SLX9: variants seen among roughly 807,000 people sequenced by gnomAD.
SLX9 encodes the protein ribosome biogenesis protein SLX9 homolog.
Under a neutral mutation model 20.8 loss-of-function variants are expected in SLX9, and 19 were observed. The observed-to-expected ratio is 0.91, with a 90% confidence interval of 0.64 to 1.34. The LOEUF is 1.34. SLX9 is among the 40% of genes most tolerant of loss of function. SLX9 has a pLI of 0.00. For missense variants in SLX9, 299 were observed against 322.2 expected (o/e 0.93, Z 0.55); for synonymous variants, 113 against 137.1 (o/e 0.82, Z 1.23).
intron 2 of SLX9, among the ~76,000 whole-genome samples, chr21:44,946,209 A>G (rs960151587): frequency 1.8e-4 from 28 of 152,192 alleles, no homozygotes; most frequent in Non-Finnish European, 3.5e-4. Context: ...AAAAAATTTG[A>G]AGATTCTATT....
intron 2 of SLX9, among the ~76,000 whole-genome samples, chr21:44,957,769 A>G (rs1601399119): frequency 6.6e-6 from 1 of 152,030 alleles, no homozygotes; most frequent in African/African-American, 2.4e-5. Flanking sequence ...GGGTATGAGC[A>G]CCTCGTCTAG....
chr21:44,950,303 C>G (rs1252996007), intron 2 of SLX9, among the ~76,000 whole-genome samples: 2 of 151,940 alleles, frequency 1.3e-5, no homozygotes, highest in Non-Finnish European at 2.9e-5. Flanking sequence ...TGACAGGAAA[C>G]CATGCAGAAT....
chr21:44,955,694 C>G (rs906815806), intron 2 of SLX9, among the ~76,000 whole-genome samples: 3 of 152,202 alleles, frequency 2.0e-5, no homozygotes, highest in African/African-American at 7.2e-5. Flanking sequence ...CCCCTCTTTT[C>G]TTTACAAGTG....
chr21:44,957,586 C>T (rs773622163), intron 2 of SLX9, among the ~76,000 whole-genome samples: 7 of 152,230 alleles, frequency 4.6e-5, no homozygotes, highest in Non-Finnish European at 8.8e-5. Flanking sequence ...CCACCTCATG[C>T]CCTGCGGCCT....
At chr21:44,948,438 G>C (rs2084690978) in intron 2 of SLX9, among the ~76,000 whole-genome samples, 2 of 152,220 alleles carry the variant, frequency 1.3e-5, no homozygotes, top group Admixed American at 1.3e-4. Flanking sequence ...TGGGGAGCTG[G>C]TCATGGAGCA....
At chr21:44,954,443 G>A (rs2084816921) in intron 2 of SLX9, among the ~76,000 whole-genome samples, 1 of 152,204 alleles carries the variant, frequency 6.6e-6, no homozygotes, top group Non-Finnish European at 1.5e-5. Flanking sequence ...TTGGCTGGAG[G>A]GTGGGGGCTG....
intron 4 of SLX9, chr21:44,969,334 A>G (rs1441142058): frequency 7.1e-6 from 3 of 419,660 alleles, no homozygotes; most frequent in Non-Finnish European, 1.5e-5. Flanking sequence ...GACCCTGGTC[A>G]AGTATCCTTT....
chr21:44,976,537 G>A (rs549404452), intron 5 of SLX9, 143 bp from the exon 6 acceptor site: 14 of 1,314,616 alleles, frequency 1.1e-5, no homozygotes, highest in Middle Eastern at 2.7e-4. Flanking sequence ...CCCTCCTGCC[G>A]GAAGTTTCCG....
Position 44,940,093 on chromosome 21 carries a change from C to T in SLX9, c.36C>T (p.His12=), listed in dbSNP as rs2084509619. The T allele has an allele frequency of 2.8e-6, 4 of 1,451,690 alleles. 1 individual carries two copies. The allele number at this position is 1,451,690 out of a possible 1,614,324, so 89.9% of individuals were successfully genotyped here. A position where few individuals can be genotyped will look rare whatever the true frequency, so the allele number is the denominator to read the frequency against. The change falls in exon 1 of 6, where the codon CAC becomes CAT. Residue 12 remains histidine, a synonymous_variant. Coordinates refer to ENST00000291634, the MANE Select transcript of SLX9 (RefSeq NM_058190.4). ...GKVRGLRARV[H]QAAVRPKGEA... ...TGAGGGGGTTGCGCGCCCGAGTGCACCAGGCTGCCGTGAGGCCGAAAGGGG... is the reference window on the plus strand; with the variant it reads ...TGAGGGGGTTGCGCGCCCGAGTGCATCAGGCTGCCGTGAGGCCGAAAGGGG...
intron 1 of SLX9, 129 bp from the exon 2 acceptor site, chr21:44,943,555 C>G (rs1601368720): frequency 2.1e-5 from 28 of 1,305,568 alleles, no homozygotes; most frequent in Non-Finnish European, 2.8e-5. Flanking sequence ...CCCCCAGGTC[C>G]TCCCGGGCAG....
At chr21:44,969,869 C>A (rs118066330) in intron 4 of SLX9, among the ~76,000 whole-genome samples, 2 of 152,216 alleles carry the variant, frequency 1.3e-5, no homozygotes, top group African/African-American at 4.8e-5. Context: ...TCCCTCGGCC[C>A]GTCTTGGCTG....
At chr21:44,974,860 C>T (rs1315951594) in intron 5 of SLX9, among the ~76,000 whole-genome samples, 1 of 152,270 alleles carries the variant, frequency 6.6e-6, no homozygotes, top group Non-Finnish European at 1.5e-5. Flanking sequence ...CGCCTCTCCC[C>T]AGTGCACAGC....
intron 3 of SLX9, among the ~76,000 whole-genome samples, chr21:44,960,757 C>T (rs1429088901): frequency 2.6e-5 from 4 of 152,248 alleles, no homozygotes; most frequent in Non-Finnish European, 5.9e-5. Flanking sequence ...CTGCACGTCT[C>T]CGCAGGCTGA....
intron 4 of SLX9, among the ~76,000 whole-genome samples, chr21:44,971,809 AG>A (rs1173898250): frequency 6.6e-6 from 1 of 151,934 alleles, no homozygotes. Flanking sequence ...TCGGCTGGCC[AG>A]GGGGGCAGAG....
At chr21:44,953,768 G>C (rs902495790) in intron 2 of SLX9, among the ~76,000 whole-genome samples, 4 of 152,190 alleles carry the variant, frequency 2.6e-5, no homozygotes, top group African/African-American at 7.2e-5. Flanking sequence ...TGCATTCAGC[G>C]TCCCTGGGTC....
chr21:44,956,189 C>T (rs762922256), intron 2 of SLX9, among the ~76,000 whole-genome samples: 3 of 152,140 alleles, frequency 2.0e-5, no homozygotes, highest in Non-Finnish European at 2.9e-5. Context: ...AGCTGTCTCC[C>T]CCTCGTTGGT....
intron 4 of SLX9, among the ~76,000 whole-genome samples, chr21:44,968,216 C>T (rs1247503703): frequency 1.4e-5 from 2 of 146,136 alleles, no homozygotes; most frequent in African/African-American, 5.6e-5. Context: ...AGTGACGCAA[C>T]CCCCAGTGAC....
chr21:44,974,517 T>C (rs190071229), intron 5 of SLX9, among the ~76,000 whole-genome samples: 1 of 152,344 alleles, frequency 6.6e-6, no homozygotes, highest in Non-Finnish European at 1.5e-5. Flanking sequence ...AGGGTCTAGG[T>C]GAAGTATAGA....
intron 4 of SLX9, among the ~76,000 whole-genome samples, chr21:44,968,816 C>T (rs903925722): frequency 4.7e-5 from 7 of 150,502 alleles, no homozygotes; most frequent in Admixed American, 1.3e-4. Context: ...TGCAGTGGCA[C>T]GATCTTGGCT....
Sources: gnomAD v4.1 joint callset for allele counts (sites outside exome capture counted in the v4.1 genomes callset) on GRCh38, gnomAD v4.1.1 for gene constraint, MANE v1.5 for transcripts, NCBI Gene and HGNC (gene_info 2026-07-23, HGNC 2026-07-21) for gene names.